GABRA5: variants seen among roughly 807,000 people sequenced by gnomAD.
The protein encoded by GABRA5 is gamma-aminobutyric acid receptor subunit alpha-5.
In GABRA5, 18 loss-of-function variants were observed where a neutral mutation model predicts 47.3. The ratio of observed to expected loss-of-function variants is 0.38; its 90% confidence interval spans 0.26 to 0.56. GABRA5 has a LOEUF of 0.56. GABRA5 is among the 20% of genes least tolerant of loss of function. The probability of loss-of-function intolerance (pLI) is 0.71; values close to 1 mark genes in which losing one functional copy is unlikely to be tolerated. For synonymous variants in GABRA5, 237 were observed against 229.3 expected (o/e 1.03, Z -0.30); for missense variants, 365 against 599.3 (o/e 0.61, Z 4.08).
At chr15:26,930,222 A>G (rs1894066467) in intron 7 of GABRA5, among the ~76,000 whole-genome samples, 2 of 152,068 alleles carry the variant, frequency 1.3e-5, no homozygotes, top group South Asian at 4.2e-4. Context: ...CATATTGGCC[A>G]GGCTGGTCAC....
chr15:26,883,274 G>A lies in GABRA5; in HGVS notation c.276+41G>A, dbSNP rs765460806. ...TGGCTGGGCAGACAATTCTTACTCC[G>A]CGCCGCAGGCCCCCGCCCAGGCCCC... is the stretch of plus-strand genomic sequence containing the variant. On this transcript the variant is annotated intron_variant, in intron 5 of 10. Transcript: ENST00000335625. This position sits in a 1 kb window ranked among gnomAD's most constrained non-coding sequence, Gnocchi z 4.8. 1 of 1,611,410 alleles carries A rather than the reference G, an allele frequency of 6.2e-7. No individual in the cohort carries two copies. The highest frequency in any genetic ancestry group is 8.5e-7 in the Non-Finnish European group (1 of 1,177,662).
chr15:26,939,346 T>C (rs1044734889), intron 8 of GABRA5: 1 of 765,216 alleles, frequency 1.3e-6, no homozygotes, highest in Non-Finnish European at 2.4e-6. Context: ...GCCAATGAAA[T>C]GCCCCCGATT....
chr15:26,898,110 A>C, intron 6 of GABRA5, among the ~76,000 whole-genome samples: 1 of 152,246 alleles, frequency 6.6e-6, no homozygotes, highest in East Asian at 1.9e-4. Context: ...TGAAACGTGC[A>C]CTGGAAAGAA....
At chr15:26,901,477 T>C (rs562884590) in intron 6 of GABRA5, among the ~76,000 whole-genome samples, 4 of 152,322 alleles carry the variant, frequency 2.6e-5, no homozygotes, top group African/African-American at 9.6e-5. Flanking sequence ...AGATGTTTGT[T>C]AAGGTCTTTT....
At chr15:26,918,301 T>G (rs1479809578) in intron 7 of GABRA5, among the ~76,000 whole-genome samples, 1 of 152,224 alleles carries the variant, frequency 6.6e-6, no homozygotes, top group African/African-American at 2.4e-5. Context: ...TCCACATATG[T>G]ATGAATTTTC....
intron 6 of GABRA5, among the ~76,000 whole-genome samples, chr15:26,895,207 C>A (rs553839485): frequency 6.6e-6 from 1 of 152,154 alleles, no homozygotes; most frequent in African/African-American, 2.4e-5. Context: ...AGTCCCCCCA[C>A]CTCATAGATG....
intron 7 of GABRA5, among the ~76,000 whole-genome samples, chr15:26,931,935 G>A (rs1894117911): frequency 6.6e-6 from 1 of 151,952 alleles, no homozygotes; most frequent in Admixed American, 6.6e-5. Context: ...ATTGAGAGTG[G>A]ACTCCTCCCT....
intron 6 of GABRA5, among the ~76,000 whole-genome samples, chr15:26,913,002 G>A (rs564568601): frequency 6.6e-6 from 1 of 152,176 alleles, no homozygotes; most frequent in African/African-American, 2.4e-5. Flanking sequence ...GGCCAACATG[G>A]TGAAACCATG....
At chr15:26,874,691 G>A (rs1271050889) in intron 3 of GABRA5, among the ~76,000 whole-genome samples, 2 of 152,232 alleles carry the variant, frequency 1.3e-5, no homozygotes, top group African/African-American at 4.8e-5. Context: ...TCATTTGCTA[G>A]TGAGAGTAAG....
At chr15:26,868,143 C>G (rs1441935578) in intron 1 of GABRA5, 1 of 152,024 alleles carries the variant, frequency 6.6e-6, no homozygotes, top group African/African-American at 2.4e-5. Flanking sequence ...AGCGCAGCCT[C>G]TCCTGGGGGT....
At chr15:26,881,665 A>G (rs1365578630) in intron 4 of GABRA5, among the ~76,000 whole-genome samples, 1 of 152,184 alleles carries the variant, frequency 6.6e-6, no homozygotes, top group Non-Finnish European at 1.5e-5. Flanking sequence ...CAGTGAATAC[A>G]TTCTTGGAGG....
At chr15:26,881,936 G>A (rs1042049133) in intron 4 of GABRA5, among the ~76,000 whole-genome samples, 2 of 152,164 alleles carry the variant, frequency 1.3e-5, no homozygotes, top group African/African-American at 4.8e-5. Context: ...CAGACCGCAG[G>A]CGATCCACCC....
At chr15:26,869,756 C>T (rs1892417400) in intron 3 of GABRA5, among the ~76,000 whole-genome samples, 1 of 152,194 alleles carries the variant, frequency 6.6e-6, no homozygotes, top group Non-Finnish European at 1.5e-5. Flanking sequence ...AAAGCCAGGC[C>T]TATGCTACTT....
intron 7 of GABRA5, among the ~76,000 whole-genome samples, chr15:26,925,980 G>A (rs1893952503): frequency 6.6e-6 from 1 of 152,200 alleles, no homozygotes; most frequent in African/African-American, 2.4e-5. Flanking sequence ...ATGTACATCT[G>A]TATACATCAC....
intron 7 of GABRA5, among the ~76,000 whole-genome samples, chr15:26,934,779 C>T (rs951068614): frequency 1.3e-5 from 2 of 152,240 alleles, no homozygotes; most frequent in South Asian, 2.1e-4. Context: ...ATTCAGAAGA[C>T]CCATGGTTTC....
chr15:26,924,121 A>G (rs912103091), intron 7 of GABRA5, among the ~76,000 whole-genome samples: 2 of 142,934 alleles, frequency 1.4e-5, no homozygotes, highest in South Asian at 2.2e-4. Context: ...ATAATTTTCT[A>G]TCATAACCTG....
chr15:26,912,059 A>AC (rs1893608573), intron 6 of GABRA5, among the ~76,000 whole-genome samples: 1 of 151,540 alleles, frequency 6.6e-6, no homozygotes, highest in Non-Finnish European at 1.5e-5. Flanking sequence ...CCTCCCCTCC[A>AC]CCCCACCTCA....
intron 3 of GABRA5, among the ~76,000 whole-genome samples, chr15:26,879,260 A>G (rs922789349): frequency 5.9e-5 from 9 of 152,232 alleles, no homozygotes; most frequent in African/African-American, 1.4e-4. Context: ...GAAGTGCATC[A>G]TGAAGCCAGA....
chr15:26,881,612 T>A (rs1048555430), intron 4 of GABRA5, among the ~76,000 whole-genome samples: 1 of 152,212 alleles, frequency 6.6e-6, no homozygotes, highest in South Asian at 2.1e-4. Context: ...ACAGTTTAGA[T>A]GTGGAGTCTG....
Sources: gnomAD v4.1 joint callset for allele counts (sites outside exome capture counted in the v4.1 genomes callset) on GRCh38, gnomAD v4.1.1 for gene constraint, Gnocchi (gnomAD v3.1) non-coding constraint, MANE v1.5 for transcripts, NCBI Gene and HGNC (gene_info 2026-07-23, HGNC 2026-07-21) for gene names.